BSPH1: variants seen among roughly 807,000 people sequenced by gnomAD.
BSPH1 encodes the protein binder of sperm protein homolog 1.
Under a neutral mutation model 22.5 loss-of-function variants are expected in BSPH1, and 21 were observed. The observed-to-expected ratio is 0.93, with a 90% confidence interval of 0.66 to 1.35. The LOEUF (loss-of-function observed/expected upper bound fraction) is 1.35, where lower values mean the gene tolerates loss of function less well. BSPH1 is among the 40% of genes most tolerant of loss of function. The pLI is 0.00. For synonymous variants in BSPH1, 42 were observed against 53.6 expected (o/e 0.78, Z 0.95); for missense variants, 141 against 154.2 (o/e 0.91, Z 0.45).
intron 5 of BSPH1, among the ~76,000 whole-genome samples, chr19:47,972,264 T>G (rs1364353989): frequency 6.7e-6 from 1 of 150,348 alleles, no homozygotes; most frequent in South Asian, 2.1e-4. Context: ...AGTTGTCCCA[T>G]GCTAACCTTG....
Position 47,976,857 on chromosome 19 carries a change from G to A in BSPH1, c.257-3C>T. 2 of 1,551,020 alleles carry A rather than the reference G, an allele frequency of 1.3e-6. No homozygotes were observed. Among genetic ancestry groups the A allele is most frequent in the East Asian group, 4.9e-5 (2 of 40,922 alleles). ...GGGAAATACACAGTTTGCAAAATCT[G>A]CAGAGGAGGAAGAGGAAGAAGCAGA... On this transcript the variant is annotated splice_region_variant and splice_polypyrimidine_tract_variant and intron_variant, in intron 4 of 5. Coordinates refer to ENST00000344839, the MANE Select transcript of BSPH1 (RefSeq NM_001128326.2).
At chr19:47,972,134 C>T (rs1029205752) in intron 5 of BSPH1, among the ~76,000 whole-genome samples, 10 of 152,140 alleles carry the variant, frequency 6.6e-5, no homozygotes, top group Admixed American at 5.2e-4. Flanking sequence ...GCACTTTCCT[C>T]GTCTTCAACA....
intron 5 of BSPH1, among the ~76,000 whole-genome samples, chr19:47,969,003 T>TAA (rs34349485): frequency 0.054 from 6,925 of 127,540 alleles, 371 homozygotes; most frequent in African/African-American, 0.15. Context: ...TATCTCAGAT[T>TAA]AAAAAAAAAA....
In BSPH1 at chr19:47,972,427, A is replaced by G. The variant is rs534744691; in HGVS notation, c.*3-4218T>C. On this transcript the variant is annotated intron_variant, in intron 5 of 5. Coordinates refer to ENST00000344839, the MANE Select transcript of BSPH1 (RefSeq NM_001128326.2). Reference sequence around the variant, plus strand: ...GTGCTTTATAGGTAATTTTTGTATCATCTCCCTCCTCCCACTCTCCACCAT... The same window carrying G: ...GTGCTTTATAGGTAATTTTTGTATCGTCTCCCTCCTCCCACTCTCCACCAT... Among the ~76,000 whole-genome samples, 192 of 152,006 alleles carry G rather than the reference A, an allele frequency of 1.3e-3. 2 individuals are homozygous for G. Among genetic ancestry groups the G allele is most frequent in the Non-Finnish European group, 2.3e-3 (159 of 67,994 alleles).
chr19:47,977,494 A>C lies in BSPH1; in HGVS notation c.135T>G (p.Cys45Trp). The C allele has an allele frequency of 6.4e-7, 1 of 1,551,590 alleles. No homozygotes were observed. Among genetic ancestry groups the C allele is most frequent in the Non-Finnish European group, 8.7e-7 (1 of 1,146,926 alleles). ...THFPEVTDGE[C>W]VFPFHYKNGT... Reference sequence around the variant, plus strand: ...CATTTTTATAGTGGAATGGAAAGACACACTCCCCATCTAGAGAAAACAAAA... The same window carrying C: ...CATTTTTATAGTGGAATGGAAAGACCCACTCCCCATCTAGAGAAAACAAAA... Residue 45 changes from cysteine to tryptophan, a missense_variant, in exon 4 of 6, where the codon TGT (cysteine) becomes TGG (tryptophan). Coordinates refer to ENST00000344839, the MANE Select transcript of BSPH1 (RefSeq NM_001128326.2).
chr19:47,977,027 G>A (rs938044314), intron 4 of BSPH1, among the ~76,000 whole-genome samples, 173 bp from the exon 5 acceptor site: 2 of 152,286 alleles, frequency 1.3e-5, no homozygotes, highest in South Asian at 2.1e-4. Context: ...ACACTGGTGC[G>A]CTCACACACA....
intron 5 of BSPH1, among the ~76,000 whole-genome samples, chr19:47,975,722 C>A (rs753859428): frequency 4.9e-5 from 7 of 142,818 alleles, no homozygotes; most frequent in Non-Finnish European, 9.0e-5. Flanking sequence ...GTGGTGCGAT[C>A]TCGGCTCACT....
In BSPH1 at chr19:47,976,854, T is replaced by A; in HGVS notation, c.257A>T (p.Asp86Val). The change falls in exon 5 of 6, where the codon GAT becomes GTT. Residue 86 changes from aspartate to valine, a missense_variant and splice_region_variant. Coordinates refer to ENST00000344839, the MANE Select transcript of BSPH1 (RefSeq NM_001128326.2). ...GAAGGGAAATACACAGTTTGCAAAA[T>A]CTGCAGAGGAGGAAGAGGAAGAAGC... ...EGYWKFCSAE[D>V]FANCVFPFWY... 6.4e-7 allele frequency: 1 copy of A among 1,551,014 alleles called. No individual in the cohort carries two copies. The highest frequency in any genetic ancestry group is 1.7e-4 in the Middle Eastern group (1 of 5,990).
intron 5 of BSPH1, 100 bp downstream of exon 5, chr19:47,976,607 CCCT>C: frequency 2.1e-6 from 1 of 473,854 alleles, no homozygotes; most frequent in Non-Finnish European, 3.4e-6. Flanking sequence ...CAAAAAAAAA[CCCT>C]CTCTAATGAG....
chr19:47,977,603 T>C, intron 3 of BSPH1, 99 bp from the exon 4 acceptor site: 1 of 1,488,482 alleles, frequency 6.7e-7, no homozygotes, highest in Non-Finnish European at 8.9e-7. Context: ...GAAATCAGAG[T>C]CATTGGCTGT....
chr19:47,989,040 T>C (rs986970286), intron 1 of BSPH1, among the ~76,000 whole-genome samples: 1 of 151,848 alleles, frequency 6.6e-6, no homozygotes, highest in African/African-American at 2.4e-5. Flanking sequence ...TATCACATGC[T>C]CATGAGTGGA....
At chr19:47,987,757 G>A (rs570859942) in intron 1 of BSPH1, among the ~76,000 whole-genome samples, 9 of 152,068 alleles carry the variant, frequency 5.9e-5, no homozygotes, top group Non-Finnish European at 1.3e-4. Flanking sequence ...TTTGGAAGGC[G>A]GAGGTGGGCA....
chr19:47,989,044 G>C (rs1019771259), intron 1 of BSPH1, among the ~76,000 whole-genome samples: 4 of 151,788 alleles, frequency 2.6e-5, no homozygotes, highest in Non-Finnish European at 4.4e-5. Flanking sequence ...ACATGCTCAT[G>C]AGTGGAGATG....
intron 1 of BSPH1, among the ~76,000 whole-genome samples, chr19:47,985,146 G>A (rs1395081716): frequency 6.6e-6 from 1 of 151,126 alleles, no homozygotes. Flanking sequence ...GGCTTCAATT[G>A]AATCCCAAAC....
At chr19:47,980,845 G>A in intron 2 of BSPH1, 76 bp downstream of exon 2, 1 of 744,392 alleles carries the variant, frequency 1.3e-6, no homozygotes, top group Non-Finnish European at 2.2e-6. Flanking sequence ...ACCAGGAAAG[G>A]GAATACTCAA....
intron 4 of BSPH1, 129 bp from the exon 5 acceptor site, chr19:47,976,983 ACACATG>A: frequency 2.4e-6 from 2 of 829,234 alleles, no homozygotes; most frequent in Non-Finnish European, 3.7e-6. Context: ...GTGCACACAT[ACACATG>A]CACACTCACA....
chr19:47,971,879 T>C (rs117379663), intron 5 of BSPH1, among the ~76,000 whole-genome samples: 3,556 of 152,344 alleles, frequency 0.023, 52 homozygotes, highest in Middle Eastern at 0.051. Context: ...AACATTAATA[T>C]CTGTTACCAA....
At chr19:47,972,264 T>C (rs1364353989) in intron 5 of BSPH1, among the ~76,000 whole-genome samples, 2 of 150,348 alleles carry the variant, frequency 1.3e-5, no homozygotes, top group African/African-American at 4.9e-5. Context: ...AGTTGTCCCA[T>C]GCTAACCTTG....
At chr19:47,968,681 TAAAAAAAAAA>T (rs71181616) in intron 5 of BSPH1, among the ~76,000 whole-genome samples, 1 of 92,218 alleles carries the variant, frequency 1.1e-5, no homozygotes, top group African/African-American at 4.3e-5. Flanking sequence ...GACCCTGTCT[TAAAAAAAAAA>T]AAAAAAAAAA....
Sources: gnomAD v4.1 joint callset for allele counts (sites outside exome capture counted in the v4.1 genomes callset) on GRCh38, gnomAD v4.1.1 for gene constraint, MANE v1.5 for transcripts, NCBI Gene and HGNC (gene_info 2026-07-23, HGNC 2026-07-21) for gene names.